The following FOXN1 variants were observed in gnomAD, a reference collection of about 807,000 sequenced individuals.
FOXN1 encodes forkhead box N1, also known as forkhead box protein N1.
In FOXN1, 15 loss-of-function variants were observed where a neutral mutation model predicts 49.0. The ratio of observed to expected loss-of-function variants is 0.31; its 90% CI spans 0.20 to 0.47. FOXN1 has a LOEUF of 0.47. Ranked by LOEUF, FOXN1 falls within the 20% of genes least tolerant of loss-of-function variation. The pLI is 1.00. For missense variants in FOXN1, 800 were observed against 842.8 expected (o/e 0.95, Z 0.63); for synonymous variants, 356 against 369.0 (o/e 0.96, Z 0.40).
At position 28,523,829 on chromosome 17, in the gene FOXN1, TC is replaced by T. The variant is rs1403160598; in HGVS notation, c.-14-126del. The T allele has an allele frequency of 2.2e-5, 15 of 681,716 alleles. No individual in the cohort carries two copies. In the African/African-American group the frequency reaches 2.7e-4, roughly 12 times the overall value. The allele number at this position is 681,716 out of a possible 1,614,324, so 42.2% of individuals were successfully genotyped here. A position where few individuals can be genotyped will look rare whatever the true frequency, so the allele number is the denominator to read the frequency against. On this transcript the variant is annotated intron_variant, in intron 1 of 8. Transcript: ENST00000579795. ...CTCTCTCTCTCTCTCTCTCTCTCTC[TC>T]TCATCAGATGGCTGACTGGAGGCAG...
intron 1 of FOXN1, among the ~76,000 whole-genome samples, chr17:28,515,827 G>GAT (rs1199581549): frequency 6.7e-6 from 1 of 148,706 alleles, no homozygotes; most frequent in African/African-American, 2.5e-5. Context: ...CACCTCCACA[G>GAT]ATATACATAC....
rs1399766978 is a variant in FOXN1 at position 28,529,198 on chromosome 17, C to T, written c.804C>T (p.Leu268=). 3.1e-6 allele frequency: 5 copies of T among 1,614,178 alleles called. No individual in the cohort carries two copies. The East Asian group carries it at 8.9e-5, about 29-fold the overall frequency. The change falls in exon 5 of 9, where the codon CTC becomes CTT. Residue 268 remains leucine (L), a synonymous_variant. Transcript: ENST00000579795. The part of the protein sequence containing the change: ...PQASTDGHQP[L]FPKPIYSYSI... ...CCAGCACCGATGGGCACCAGCCTCTCTTCCCAAAACCCATCTATTCCTACA... is the reference window on the plus strand; with the variant it reads ...CCAGCACCGATGGGCACCAGCCTCTTTTCCCAAAACCCATCTATTCCTACA...
chr17:28,530,768 C>A lies in FOXN1; in HGVS notation c.850C>A (p.Leu284Ile). ...CTTCAGCATCCTCATCTTCATGGCC[C>A]TTAAGAACAGTAAAACTGGGAGCCT... The part of the protein sequence containing the change: ...YSYSILIFMA[L>I]KNSKTGSLPV... The change falls in exon 6 of 9, where the codon CTT (leucine) becomes ATT (isoleucine). Residue 284 changes from leucine (L) to isoleucine (I), a missense_variant. Coordinates refer to ENST00000579795, the MANE Select transcript of FOXN1 (RefSeq NM_001369369.1). 1 of 1,606,124 alleles carries A rather than the reference C, an allele frequency of 6.2e-7. No individual in the cohort carries two copies. The highest frequency in any genetic ancestry group is 8.5e-7 in the Non-Finnish European group (1 of 1,172,716).
At chr17:28,531,408 T>G (rs1445703699) in intron 6 of FOXN1, among the ~76,000 whole-genome samples, 1 of 152,100 alleles carries the variant, frequency 6.6e-6, no homozygotes, top group Non-Finnish European at 1.5e-5. Context: ...CCCAACCCCT[T>G]GGGCAGAATC....
chr17:28,536,911 T>G (rs1340900023), intron 8 of FOXN1, among the ~76,000 whole-genome samples: 1 of 152,098 alleles, frequency 6.6e-6, no homozygotes, highest in Non-Finnish European at 1.5e-5. Context: ...TCGACGGCTT[T>G]CAGATTGTGC....
intron 5 of FOXN1, among the ~76,000 whole-genome samples, chr17:28,530,062 G>A (rs1273565477): frequency 1.3e-5 from 2 of 151,886 alleles, no homozygotes; most frequent in Non-Finnish European, 2.9e-5. Flanking sequence ...GAGGGACAAC[G>A]TTAGGAGAAA....
chr17:28,529,566 G>A lies in FOXN1; in HGVS notation c.830+342G>A, dbSNP rs149066457. 2.3e-3 allele frequency among the ~76,000 whole-genome samples: 355 copies of A among 152,300 alleles called. 1 individual carries two copies. The highest frequency in any genetic ancestry group is 0.02 in the South Asian group (96 of 4,822). ...TTGCTGCCTTCCCTGTGCCTCCCCG[G>A]AAACAGACGGAAGCCCCCCTCAAAG... On this transcript the variant is annotated intron_variant, in intron 5 of 8. Transcript: ENST00000579795.
intron 6 of FOXN1, among the ~76,000 whole-genome samples, chr17:28,533,478 C>A (rs1387695229): frequency 2.2e-5 from 3 of 134,296 alleles, no homozygotes. Flanking sequence ...ATTCTATTGG[C>A]ACGAGCACCC....
intron 3 of FOXN1, 22 bp downstream of exon 3, chr17:28,524,989 G>A: frequency 6.4e-7 from 1 of 1,551,656 alleles, no homozygotes; most frequent in Non-Finnish European, 8.8e-7. Flanking sequence ...TGGCCAGCGA[G>A]TGTCCCATCT....
At chr17:28,529,037 C>T in intron 4 of FOXN1, 57 bp from the exon 5 acceptor site, 1 of 1,609,124 alleles carries the variant, frequency 6.2e-7, no homozygotes, top group Non-Finnish European at 8.5e-7. Context: ...GGGAGGAGGG[C>T]CCTCCTGGGA....
chr17:28,527,069 C>G (rs1256749112), intron 3 of FOXN1, among the ~76,000 whole-genome samples, 182 bp from the exon 4 acceptor site: 1 of 152,192 alleles, frequency 6.6e-6, no homozygotes, highest in Non-Finnish European at 1.5e-5. Context: ...AGCCCCGGCT[C>G]TACCACTAAA....
chr17:28,523,921 G>T, intron 1 of FOXN1, 35 bp from the exon 2 acceptor site: 1 of 1,612,406 alleles, frequency 6.2e-7, no homozygotes. Flanking sequence ...ACTGGATGCT[G>T]GTCCTCACTC....
intron 1 of FOXN1, among the ~76,000 whole-genome samples, chr17:28,511,519 C>G (rs901477191): frequency 1.3e-5 from 2 of 152,122 alleles, no homozygotes; most frequent in Non-Finnish European, 2.9e-5. Context: ...AGATCTCACT[C>G]AGCCCCATCC....
intron 1 of FOXN1, among the ~76,000 whole-genome samples, chr17:28,509,724 C>T (rs879958139): frequency 1.3e-5 from 2 of 152,270 alleles, no homozygotes; most frequent in African/African-American, 4.8e-5. Flanking sequence ...GACCTCCACA[C>T]TGCGGGCATG....
chr17:28,514,395 G>T (rs2069451342), intron 1 of FOXN1, among the ~76,000 whole-genome samples: 1 of 152,176 alleles, frequency 6.6e-6, no homozygotes, highest in South Asian at 2.1e-4. Flanking sequence ...CGAAACTGAT[G>T]CTGGGTTAAG....
In FOXN1 at chr17:28,534,982, T is replaced by A; in HGVS notation, c.1411T>A (p.Leu471Met). The A allele has an allele frequency of 6.2e-7, 1 of 1,613,838 alleles. No individual in the cohort carries two copies. The highest frequency in any genetic ancestry group is 8.5e-7 in the Non-Finnish European group (1 of 1,179,964). ...GGCCCCTCCTGGACCCCCGCAGCCA[T>A]TGTTCCCACAGCCGGACGGGCACCT... Reference protein sequence around the residue: ...GLAPPGPPQPLFPQPDGHLEL... With the variant: ...GLAPPGPPQPMFPQPDGHLEL... Residue 471 changes from leucine to methionine, a missense_variant, in exon 8 of 9, where the codon TTG becomes ATG. By Grantham distance (15) the Leu-to-Met change is conservative. Around this residue, in one of 3 missense-constraint regions of FOXN1, gnomAD observed 344 missense variants for 366.1 expected, o/e 0.94. Coordinates refer to ENST00000579795, the MANE Select transcript of FOXN1 (RefSeq NM_001369369.1). The surrounding 1 kb of genome is among the most constrained non-coding windows in gnomAD (Gnocchi z 4.1).
intron 1 of FOXN1, among the ~76,000 whole-genome samples, chr17:28,512,154 TGAG>T (rs1464899107): frequency 6.6e-6 from 1 of 152,206 alleles, no homozygotes; most frequent in Non-Finnish European, 1.5e-5. Flanking sequence ...GGAAGCTTGT[TGAG>T]GAGGGATGAA....
chr17:28,513,387 TTAAAA>T (rs1376612696), intron 1 of FOXN1, among the ~76,000 whole-genome samples: 1 of 151,748 alleles, frequency 6.6e-6, no homozygotes, highest in Non-Finnish European at 1.5e-5. Flanking sequence ...ATAAAAATAC[TTAAAA>T]TAAAAAAATA....
Position 28,529,183 on chromosome 17 carries a change from T to G in FOXN1, c.789T>G (p.Asp263Glu), listed in dbSNP as rs773246383. 1.2e-6 allele frequency: 2 copies of G among 1,614,124 alleles called. No individual in the cohort carries two copies. Among genetic ancestry groups the G allele is most frequent in the Admixed American group, 1.7e-5 (1 of 60,022 alleles). ...YQRMAPQASTDGHQPLFPKPI... is the reference protein window; with the variant it reads ...YQRMAPQASTEGHQPLFPKPI... ...GAATGGCACCCCAGGCCAGCACCGA[T>G]GGGCACCAGCCTCTCTTCCCAAAAC... is the stretch of plus-strand genomic sequence containing the variant. The change falls in exon 5 of 9, where the codon GAT (aspartate) becomes GAG (glutamate). Residue 263 changes from aspartate (D) to glutamate (E), a missense_variant. Coordinates refer to ENST00000579795, the MANE Select transcript of FOXN1 (RefSeq NM_001369369.1).
Sources: allele counts gnomAD v4.1 joint callset (sites outside exome capture counted in the v4.1 genomes callset), GRCh38; gene constraint gnomAD v4.1.1; regional missense constraint gnomAD v4.1.1; non-coding constraint Gnocchi (gnomAD v3.1); transcripts MANE v1.5; gene names NCBI Gene and HGNC (gene_info 2026-07-23, HGNC 2026-07-21).